Variants in ASS1 observed in about 807,000 individuals in gnomAD.
The protein encoded by ASS1 is argininosuccinate synthase 1.
In ASS1, 58 loss-of-function variants were observed where a neutral mutation model predicts 60.5. The ratio of observed to expected loss-of-function variants is 0.96; its 90% CI spans 0.78 to 1.19. The LOEUF (loss-of-function observed/expected upper bound fraction) is 1.19, where lower values mean the gene tolerates loss of function less well. Ranked by LOEUF, ASS1 falls within the 50% of genes most tolerant of loss-of-function variation. The pLI, the probability that ASS1 is intolerant of heterozygous loss-of-function variation, is 0.00. For missense variants in ASS1, 454 were observed against 547.3 expected (o/e 0.83, Z 1.70); for synonymous variants, 200 against 206.9 (o/e 0.97, Z 0.29).
intron 12 of ASS1, among the ~76,000 whole-genome samples, chr9:130,493,082 A>AGG (rs1846488316): frequency 1.3e-5 from 2 of 152,078 alleles, no homozygotes; most frequent in Non-Finnish European, 2.9e-5. Context: ...AAAGATGGCC[A>AGG]AGCCCAGGAC....
intron 11 of ASS1, among the ~76,000 whole-genome samples, chr9:130,485,779 C>T (rs1846294227): frequency 2.0e-5 from 3 of 152,166 alleles, no homozygotes; most frequent in Admixed American, 2.0e-4. Flanking sequence ...TTGTCAGTGT[C>T]GTGCTCTTGG....
At chr9:130,447,709 G>C (rs1845227844) in intron 1 of ASS1, among the ~76,000 whole-genome samples, 1 of 152,232 alleles carries the variant, frequency 6.6e-6, no homozygotes. Context: ...AATTCAGCCA[G>C]GATCTGCCTG....
chr9:130,450,919 A>T (rs1428236497), intron 1 of ASS1, among the ~76,000 whole-genome samples: 1 of 152,194 alleles, frequency 6.6e-6, no homozygotes, highest in Non-Finnish European at 1.5e-5. Flanking sequence ...CAGAACAAAC[A>T]TGCCCTGTAC....
At chr9:130,461,851 G>A (rs1845603978) in intron 4 of ASS1, among the ~76,000 whole-genome samples, 1 of 152,190 alleles carries the variant, frequency 6.6e-6, no homozygotes, top group Non-Finnish European at 1.5e-5. Flanking sequence ...GCCATCACGG[G>A]GGACGGGCCA....
At chr9:130,456,060 G>A (rs781121291) in intron 3 of ASS1, among the ~76,000 whole-genome samples, 17 of 152,214 alleles carry the variant, frequency 1.1e-4, no homozygotes, top group African/African-American at 3.6e-4. Context: ...CTTTGTGCAC[G>A]GCTTCAGCTT....
intron 2 of ASS1, among the ~76,000 whole-genome samples, chr9:130,452,578 G>C (rs780946599): frequency 1.3e-5 from 2 of 152,234 alleles, no homozygotes; most frequent in African/African-American, 4.8e-5. Context: ...TGATGGAGGC[G>C]CGGGGAGGGC....
rs1554723160 is a variant in ASS1 at position 130,476,960 on chromosome 9, AGGTAT to A, written c.688+1_688+5del. 6.2e-7 allele frequency: 1 copy of A among 1,613,778 alleles called. No homozygotes were observed. The highest frequency in any genetic ancestry group is 8.5e-7 in the Non-Finnish European group (1 of 1,179,708). ...ACATTCTCGAGATCGAGTTCAAAAA[AGGTAT>A]GTGCCCACCTGTTGGGACTCGAAGG... On this transcript the variant is annotated splice_donor_variant and splice_donor_region_variant and coding_sequence_variant and intron_variant, in exon 9 of 15. Transcript: ENST00000352480. LOFTEE classifies it high-confidence loss of function. This position sits in a 1 kb window ranked among gnomAD's most constrained non-coding sequence, Gnocchi z 4.9.
chr9:130,446,222 C>T (rs530092271), intron 1 of ASS1, among the ~76,000 whole-genome samples: 21 of 152,206 alleles, frequency 1.4e-4, no homozygotes, highest in Non-Finnish European at 2.6e-4. Context: ...AGATACTGTG[C>T]GGCTGCTAAG....
At chr9:130,451,129 G>A (rs12685093) in intron 1 of ASS1, among the ~76,000 whole-genome samples, 1 of 152,192 alleles carries the variant, frequency 6.6e-6, no homozygotes, top group Non-Finnish European at 1.5e-5. Context: ...ATGTGGGGGA[G>A]GGGGGTGCAG....
chr9:130,453,220 A>C (rs2131868272), intron 2 of ASS1, among the ~76,000 whole-genome samples: 1 of 152,302 alleles, frequency 6.6e-6, no homozygotes, highest in Admixed American at 6.5e-5. Flanking sequence ...TGGCTGCATC[A>C]TGGGGTGCGA....
At chr9:130,463,579 A>C (rs1278226697) in intron 4 of ASS1, among the ~76,000 whole-genome samples, 3 of 152,178 alleles carry the variant, frequency 2.0e-5, no homozygotes, top group African/African-American at 7.2e-5. Context: ...GCTGAGGAGC[A>C]AAAGGCCCTC....
intron 1 of ASS1, among the ~76,000 whole-genome samples, chr9:130,448,422 G>GTGCACACACA (rs560844383): frequency 4.9e-5 from 7 of 143,296 alleles, no homozygotes; most frequent in Non-Finnish European, 9.0e-5. Flanking sequence ...GTGTGCGCGC[G>GTGCACACACA]CACACACACA....
intron 5 of ASS1, among the ~76,000 whole-genome samples, chr9:130,465,968 G>A (rs1845730024): frequency 6.6e-6 from 1 of 152,232 alleles, no homozygotes; most frequent in Admixed American, 6.5e-5. Flanking sequence ...TGGGGCAGGG[G>A]CCAAGCTGCT....
At chr9:130,458,954 A>G (rs1305917827) in intron 4 of ASS1, among the ~76,000 whole-genome samples, 1 of 152,230 alleles carries the variant, frequency 6.6e-6, no homozygotes, top group East Asian at 1.9e-4. Context: ...GAGTTGGCAG[A>G]GTAGGGTTCA....
At chr9:130,446,436 G>T (rs1386881391) in intron 1 of ASS1, among the ~76,000 whole-genome samples, 2 of 152,210 alleles carry the variant, frequency 1.3e-5, no homozygotes, top group East Asian at 3.9e-4. Context: ...GAAGTTTGGG[G>T]GTGGGGGCGG....
At chr9:130,500,133 G>A (rs1018601885) in intron 14 of ASS1, among the ~76,000 whole-genome samples, 11 of 152,082 alleles carry the variant, frequency 7.2e-5, no homozygotes, top group Admixed American at 1.3e-4. Context: ...TCAAGCATGC[G>A]GCTCAGGCTT....
intron 13 of ASS1, among the ~76,000 whole-genome samples, chr9:130,498,694 T>A (rs1347126374): frequency 6.6e-6 from 1 of 152,122 alleles, no homozygotes; most frequent in Non-Finnish European, 1.5e-5. Context: ...ATTTCACAAG[T>A]GCAAGGCTGA....
At position 130,472,576 on chromosome 9, in the gene ASS1, C is replaced by T. The variant is rs1307075120; in HGVS notation, c.597+1061C>T. 2.0e-5 allele frequency among the ~76,000 whole-genome samples: 3 copies of T among 152,184 alleles called. No homozygotes were observed. The East Asian group carries it at 5.8e-4, about 29-fold the overall frequency. The stretch of plus-strand genomic sequence containing the variant: ...GGGCCCTGGGGCTGGTGCCCTCCAG[C>T]TCTGTGGCTCCCCTACTGCCCACGG... On this transcript the variant is annotated intron_variant, in intron 8 of 14. Transcript: ENST00000352480.
rs146390729 is a variant in ASS1, at chr9:130,479,823, G to C, written c.773+23G>C. 47 of 1,607,540 alleles carry C rather than the reference G, an allele frequency of 2.9e-5. No individual in the cohort carries two copies. The East Asian group carries it at 1.0e-3, about 36-fold the overall frequency. On this transcript the variant is annotated intron_variant, in intron 10 of 14. Transcript: ENST00000352480. ...CGCGTGAGTGTCTGCAGCCCTGTCC[G>C]GCCTCTTGGGAACCGCCGTCTCGGG... is the stretch of plus-strand genomic sequence containing the variant.
Sources: allele counts gnomAD v4.1 joint callset (sites outside exome capture counted in the v4.1 genomes callset), GRCh38; gene constraint gnomAD v4.1.1; non-coding constraint Gnocchi (gnomAD v3.1); transcripts MANE v1.5; gene names NCBI Gene and HGNC (gene_info 2026-07-23, HGNC 2026-07-21).